The following AKR1C8 variants were observed in gnomAD, a reference collection of about 807,000 sequenced individuals.
The protein encoded by AKR1C8 is aldo-keto reductase family 1 member C-like protein 1.
the AKR1C8 span, among the ~76,000 whole-genome samples, chr10:5,161,072 T>C: frequency 6.6e-6 from 1 of 152,138 alleles, no homozygotes; most frequent in Non-Finnish European, 1.5e-5. Context: ...TGTGTGTGGG[T>C]ATGTGTGTAA....
chr10:5,129,322 T>C, the AKR1C8 span, among the ~76,000 whole-genome samples: 1 of 152,024 alleles, frequency 6.6e-6, no homozygotes, highest in South Asian at 2.1e-4. Context: ...CATCTAAAAG[T>C]CTGAAACAGC....
chr10:5,180,254 G>T, the AKR1C8 span, among the ~76,000 whole-genome samples: 2 of 152,344 alleles, frequency 1.3e-5, no homozygotes, highest in African/African-American at 2.4e-5. Context: ...GACCCTGTTT[G>T]TCTGGGTATC....
chr10:5,129,750 A>G, the AKR1C8 span, among the ~76,000 whole-genome samples: 8 of 152,054 alleles, frequency 5.3e-5, no homozygotes, highest in Non-Finnish European at 8.8e-5. Flanking sequence ...CAGACCAATA[A>G]CAAGCACCAA....
the AKR1C8 span, among the ~76,000 whole-genome samples, chr10:5,125,020 C>A: frequency 2.0e-5 from 3 of 149,226 alleles, no homozygotes; most frequent in African/African-American, 7.4e-5. Flanking sequence ...TATCAAAATA[C>A]AGTAAGATGA....
At chr10:5,124,177 C>A in the AKR1C8 span, among the ~76,000 whole-genome samples, 2 of 152,212 alleles carry the variant, frequency 1.3e-5, no homozygotes, top group African/African-American at 4.8e-5. Flanking sequence ...TTCAAAGACT[C>A]ATGAGGCCAG....
chr10:5,134,277 A>G, the AKR1C8 span, among the ~76,000 whole-genome samples: 2 of 152,190 alleles, frequency 1.3e-5, no homozygotes, highest in African/African-American at 2.4e-5. Context: ...TTCATTACAA[A>G]GTAAACCGCT....
the AKR1C8 span, among the ~76,000 whole-genome samples, chr10:5,171,902 G>A: frequency 6.6e-6 from 1 of 152,036 alleles, no homozygotes; most frequent in East Asian, 1.9e-4. Context: ...TTTACCAAAA[G>A]TATATTTTAC....
the AKR1C8 span, among the ~76,000 whole-genome samples, chr10:5,139,002 C>T: frequency 2.6e-5 from 4 of 152,072 alleles, no homozygotes; most frequent in Non-Finnish European, 5.9e-5. Flanking sequence ...ACAAGCATTC[C>T]TATACACCAA....
chr10:5,135,836 T>G, the AKR1C8 span, among the ~76,000 whole-genome samples: 2 of 152,200 alleles, frequency 1.3e-5, no homozygotes, highest in African/African-American at 2.4e-5. Context: ...CAAAGAAAAT[T>G]TCTCCTTTTA....
the AKR1C8 span, among the ~76,000 whole-genome samples, chr10:5,118,703 C>T: frequency 5.9e-5 from 9 of 152,212 alleles, no homozygotes; most frequent in East Asian, 1.7e-3. Flanking sequence ...TTTGCTGAGT[C>T]CTGGCATTAA....
At chr10:5,155,720 G>T in the AKR1C8 span, 1 of 476,918 alleles carries the variant, frequency 2.1e-6, no homozygotes, top group Non-Finnish European at 4.4e-6. Flanking sequence ...GCCATCAATG[G>T]CTTTCATGTC....
chr10:5,170,147 G>A, the AKR1C8 span, among the ~76,000 whole-genome samples: 1 of 152,074 alleles, frequency 6.6e-6, no homozygotes, highest in African/African-American at 2.4e-5. Context: ...TGATGGTCGG[G>A]GGACTCAGAG....
the AKR1C8 span, among the ~76,000 whole-genome samples, chr10:5,153,110 G>A: frequency 5.9e-5 from 9 of 152,072 alleles, no homozygotes; most frequent in African/African-American, 1.9e-4. Flanking sequence ...TGCATTCATA[G>A]TTGACATTCT....
chr10:5,146,574 C>T, the AKR1C8 span, among the ~76,000 whole-genome samples: 2 of 152,134 alleles, frequency 1.3e-5, no homozygotes, highest in South Asian at 4.2e-4. Context: ...CATAAACTAT[C>T]CACATTACCA....
chr10:5,179,014 T>A, the AKR1C8 span, among the ~76,000 whole-genome samples: 1 of 152,218 alleles, frequency 6.6e-6, no homozygotes, highest in Non-Finnish European at 1.5e-5. Context: ...AATTTGATCC[T>A]GTCATTATGA....
the AKR1C8 span, among the ~76,000 whole-genome samples, chr10:5,127,372 A>G: frequency 6.6e-6 from 1 of 152,182 alleles, no homozygotes; most frequent in Non-Finnish European, 1.5e-5. Flanking sequence ...AGTAAAGGAA[A>G]GAATTTCAGA....
chr10:5,129,044 C>G, the AKR1C8 span, among the ~76,000 whole-genome samples: 42,323 of 151,940 alleles, frequency 0.28, 6,746 homozygotes, highest in Non-Finnish European at 0.36. Flanking sequence ...AAACAAGTCT[C>G]ATTAAACTTG....
At chr10:5,183,430 A>G in the AKR1C8 span, among the ~76,000 whole-genome samples, 1 of 152,120 alleles carries the variant, frequency 6.6e-6, no homozygotes, top group South Asian at 2.1e-4. Flanking sequence ...AACTATCCTT[A>G]TCCCCCCTTA....
chr10:5,145,420 T>G, the AKR1C8 span, among the ~76,000 whole-genome samples: 1 of 151,780 alleles, frequency 6.6e-6, no homozygotes, highest in Non-Finnish European at 1.5e-5. Context: ...ACCTACAAAA[T>G]GGGAGAAAAT....
Sources: gnomAD v4.1 joint callset for allele counts (sites outside exome capture counted in the v4.1 genomes callset) on GRCh38, gnomAD v4.1.1 for gene constraint, MANE v1.5 for transcripts, NCBI Gene and HGNC (gene_info 2026-07-23, HGNC 2026-07-21) for gene names.